Variants in CTNNA2 observed in about 807,000 individuals in gnomAD.
The protein encoded by CTNNA2 is catenin alpha 2.
Under a neutral mutation model 101.0 loss-of-function variants are expected in CTNNA2, and 42 were observed. The observed-to-expected ratio is 0.42, with a 90% CI of 0.32 to 0.54. The LOEUF is 0.54. Ranked by LOEUF, CTNNA2 falls within the 20% of genes least tolerant of loss-of-function variation. CTNNA2 has a pLI of 0.14. For missense variants in CTNNA2, 871 were observed against 1,223.1 expected (o/e 0.71, Z 4.29); for synonymous variants, 450 against 456.4 (o/e 0.99, Z 0.18).
At position 79,720,875 on chromosome 2, in the gene CTNNA2, G is replaced by T. The variant is rs537919380; in HGVS notation, c.103-23512G>T. ...GATGCTTTTCTTTCTCTTCCCTATT[G>T]CTCTGTCTAGGACTTATTTCCCACT... is the stretch of plus-strand genomic sequence containing the variant. On this transcript the variant is annotated intron_variant, in intron 2 of 18. Transcript: ENST00000402739. 2.6e-5 allele frequency among the ~76,000 whole-genome samples: 4 copies of T among 151,914 alleles called. No homozygotes were observed. The South Asian group carries it at 8.3e-4, about 32-fold the overall frequency.
intron 1 of CTNNA2, chr2:79,523,081 A>G: frequency 3.9e-6 from 1 of 259,336 alleles, no homozygotes; most frequent in Non-Finnish European, 7.8e-6. Context: ...ATAAATTTGT[A>G]TATTATTTTT....
intron 4 of CTNNA2, among the ~76,000 whole-genome samples, chr2:79,384,155 TAAAA>T: frequency 6.6e-6 from 1 of 152,296 alleles, no homozygotes; most frequent in East Asian, 1.9e-4. Context: ...AAGTATATGA[TAAAA>T]AACAATCAGC....
At chr2:80,460,386 A>T (rs1684326490) in intron 9 of CTNNA2, among the ~76,000 whole-genome samples, 1 of 152,130 alleles carries the variant, frequency 6.6e-6, no homozygotes, top group East Asian at 1.9e-4. Context: ...TGCTTTTTAG[A>T]TCTTAACACA....
chr2:80,265,499 C>T (rs909109367), intron 7 of CTNNA2, among the ~76,000 whole-genome samples: 2 of 152,094 alleles, frequency 1.3e-5, no homozygotes, highest in Non-Finnish European at 2.9e-5. Flanking sequence ...GGAATTTCCC[C>T]AGTCTTCCCT....
intron 7 of CTNNA2, among the ~76,000 whole-genome samples, chr2:80,387,742 C>A (rs1174336967): frequency 6.6e-6 from 1 of 152,112 alleles, no homozygotes; most frequent in Non-Finnish European, 1.5e-5. Context: ...TATTAAAAAT[C>A]CAAGTCAGGA....
intron 7 of CTNNA2, among the ~76,000 whole-genome samples, chr2:80,149,431 G>A (rs1237181980): frequency 6.6e-6 from 1 of 152,120 alleles, no homozygotes; most frequent in African/African-American, 2.4e-5. Flanking sequence ...ACATACACAT[G>A]CGCACACACA....
At chr2:79,989,451 C>T (rs535611634) in intron 7 of CTNNA2, among the ~76,000 whole-genome samples, 2 of 151,922 alleles carry the variant, frequency 1.3e-5, no homozygotes, top group Admixed American at 1.3e-4. Context: ...GGTGAAAATC[C>T]CGTCTATACA....
At chr2:79,877,543 A>T (rs2916497) in intron 6 of CTNNA2, among the ~76,000 whole-genome samples, 101,491 of 151,926 alleles carry the variant, frequency 0.67, 34,250 homozygotes, top group Middle Eastern at 0.81. Context: ...CTGTTTTTTT[A>T]AAAATTTCTT....
At chr2:79,279,450 C>G (rs1675303199) in intron 2 of CTNNA2, among the ~76,000 whole-genome samples, 1 of 152,034 alleles carries the variant, frequency 6.6e-6, no homozygotes, top group South Asian at 2.1e-4. Flanking sequence ...GAAAAATCCC[C>G]AGGTAGTTTT....
chr2:80,124,057 C>T (rs943855202), intron 7 of CTNNA2, among the ~76,000 whole-genome samples: 2 of 152,132 alleles, frequency 1.3e-5, no homozygotes, highest in Non-Finnish European at 2.9e-5. Context: ...TGCTGCTGTT[C>T]ACAAGCTCCC....
At chr2:79,299,145 A>C (rs950427326) in intron 2 of CTNNA2, among the ~76,000 whole-genome samples, 2 of 152,180 alleles carry the variant, frequency 1.3e-5, no homozygotes, top group Non-Finnish European at 2.9e-5. Context: ...ACAGCAAGTC[A>C]GGAGTGGAGT....
At chr2:80,350,029 A>G (rs12617269) in intron 7 of CTNNA2, among the ~76,000 whole-genome samples, 24,061 of 152,230 alleles carry the variant, frequency 0.16, 2,409 homozygotes, top group East Asian at 0.39. Flanking sequence ...CTAGGAAGAT[A>G]TTTAAAATAC....
chr2:80,286,070 G>T (rs1305327837), intron 7 of CTNNA2, among the ~76,000 whole-genome samples: 2 of 152,160 alleles, frequency 1.3e-5, no homozygotes, highest in African/African-American at 4.8e-5. Context: ...CAGGAATGGT[G>T]CTCTGATCTT....
chr2:79,673,360 T>A (rs1409106378), intron 2 of CTNNA2, among the ~76,000 whole-genome samples: 1 of 152,166 alleles, frequency 6.6e-6, no homozygotes, highest in African/African-American at 2.4e-5. Context: ...AGTGAACGGT[T>A]ACCTTTATCT....
chr2:80,543,241 G>T (rs1464576613), intron 9 of CTNNA2, among the ~76,000 whole-genome samples: 1 of 152,184 alleles, frequency 6.6e-6, no homozygotes, highest in Non-Finnish European at 1.5e-5. Flanking sequence ...AATGTGGAGA[G>T]AAGACATTAT....
At chr2:80,522,735 C>G (rs979150767) in intron 9 of CTNNA2, among the ~76,000 whole-genome samples, 9 of 152,042 alleles carry the variant, frequency 5.9e-5, no homozygotes, top group African/African-American at 2.2e-4. Flanking sequence ...GCTTGCTTTC[C>G]CCCTCACCTT....
intron 7 of CTNNA2, among the ~76,000 whole-genome samples, chr2:79,947,336 C>T (rs1408281398): frequency 6.6e-6 from 1 of 152,078 alleles, no homozygotes; most frequent in African/African-American, 2.4e-5. Flanking sequence ...GTTATGTTTT[C>T]ATAGATTGTG....
chr2:80,087,116 T>C (rs1308961361), intron 7 of CTNNA2, among the ~76,000 whole-genome samples: 1 of 152,000 alleles, frequency 6.6e-6, no homozygotes, highest in Non-Finnish European at 1.5e-5. Context: ...TTGTTAGGCC[T>C]GTTATAAAAG....
At chr2:80,073,731 C>CAT (rs1698498001) in intron 7 of CTNNA2, among the ~76,000 whole-genome samples, 1 of 19,720 alleles carries the variant, frequency 5.1e-5, no homozygotes, top group East Asian at 1.8e-3. Context: ...CTCTCTCTGT[C>CAT]ACACACACAC....
Sources: gnomAD v4.1 joint callset for allele counts (sites outside exome capture counted in the v4.1 genomes callset) on GRCh38, gnomAD v4.1.1 for gene constraint, MANE v1.5 for transcripts, NCBI Gene and HGNC (gene_info 2026-07-23, HGNC 2026-07-21) for gene names.